LMTK3: variants seen among roughly 807,000 people sequenced by gnomAD.
LMTK3 encodes lemur tail kinase 3, also known as serine/threonine-protein kinase LMTK3.
LMTK3 carries 27 observed loss-of-function variants against 116.7 expected under a neutral mutation model. That is an observed-to-expected ratio of 0.23 (90% CI 0.17 to 0.32). LMTK3 has a LOEUF of 0.32. Ranked by LOEUF, LMTK3 falls within the 10% of genes least tolerant of loss-of-function variation. The pLI, the probability that LMTK3 is intolerant of heterozygous loss-of-function variation, is 1.00. For missense variants in LMTK3, 1,764 were observed against 2,068.5 expected (o/e 0.85, Z 2.86); for synonymous variants, 965 against 971.0 (o/e 0.99, Z 0.11).
chr19:48,488,462 T>C (rs963927662), intron 14 of LMTK3, among the ~76,000 whole-genome samples: 1 of 152,006 alleles, frequency 6.6e-6, no homozygotes, highest in African/African-American at 2.4e-5. Flanking sequence ...ACACCCAACA[T>C]TGACTTCCCT....
chr19:48,499,366 T>G lies in LMTK3; in HGVS notation c.1703A>C (p.Gln568Pro), dbSNP rs1601049765. The change falls in exon 11 of 15, where the codon CAG becomes CCG. Residue 568 changes from glutamine to proline, a missense_variant. By Grantham distance (76) the Gln-to-Pro change is moderately conservative. Transcript: ENST00000600059. ...GACCTCGGAGGGGGCCTGGGGGGCCTGAGGGGCGGGCACTCCTGGGTCCAG... is the reference window on the plus strand; with the variant it reads ...GACCTCGGAGGGGGCCTGGGGGGCCGGAGGGGCGGGCACTCCTGGGTCCAG... ...DPLDPGVPAP[Q>P]APQAPSEVPQ... 2 of 1,403,014 alleles carry G rather than the reference T, an allele frequency of 1.4e-6. No individual in the cohort carries two copies. Among genetic ancestry groups the G allele is most frequent in the Non-Finnish European group, 1.9e-6 (2 of 1,071,846 alleles). 86.9% of individuals were successfully genotyped at this position (1,403,014 alleles called of 1,614,324 possible).
Position 48,491,210 on chromosome 19 carries a change from G to A in LMTK3, c.4264C>T (p.Leu1422Phe). 5.7e-6 allele frequency: 8 copies of A among 1,407,720 alleles called. No homozygotes were observed. The highest frequency in any genetic ancestry group is 6.5e-6 in the Non-Finnish European group (7 of 1,077,922). The allele number at this position is 1,407,720 out of a possible 1,614,324, so 87.2% of individuals were successfully genotyped here. The change falls in exon 14 of 15, where the codon CTC (leucine) becomes TTC (phenylalanine). Residue 1422 changes from leucine to phenylalanine, a missense_variant. Transcript: ENST00000600059. The surrounding 1 kb of genome is among the most constrained non-coding windows in gnomAD (Gnocchi z 5.1). ...CACAGCGGGGGGCCTGGAGGGGGGA[G>A]GAGGGGGAAATCCTCCGCCCACTCG... is the stretch of plus-strand genomic sequence containing the variant. The part of the protein sequence containing the change: ...SFEWAEDFPL[L>F]PPPGPPLCFS...
rs757133880 is a variant in LMTK3, at chr19:48,491,506, G to A, written c.4126C>T (p.Pro1376Ser). The stretch of plus-strand genomic sequence containing the variant: ...GACGGGTCCGTGTCCCCCTCGGGGG[G>A]GGCCTGGACGCTCAGCTCGTTGGTT... ...TPTNELSVQA[P>S]PEGDTDPSTP... Residue 1376 changes from proline (P) to serine (S), a missense_variant, in exon 13 of 15, where the codon CCC (proline) becomes TCC (serine). Physicochemically the swap from Pro to Ser is moderately conservative, Grantham distance 74 (BLOSUM62 -1). This residue lies in a region of LMTK3 where 281 missense variants were observed against 301.4 expected (regional missense o/e 0.93). Transcript: ENST00000600059. This position sits in a 1 kb window ranked among gnomAD's most constrained non-coding sequence, Gnocchi z 5.1. The A allele has an allele frequency of 5.7e-6, 8 of 1,401,952 alleles. No individual in the cohort carries two copies. The Admixed American group carries it at 2.2e-4, about 38-fold the overall frequency. The allele number at this position is 1,401,952 out of a possible 1,614,324, so 86.8% of individuals were successfully genotyped here. A position where few individuals can be genotyped will look rare whatever the true frequency, so the allele number is the denominator to read the frequency against.
intron 14 of LMTK3, among the ~76,000 whole-genome samples, chr19:48,488,497 T>C (rs1353086198): frequency 1.3e-5 from 2 of 151,914 alleles, no homozygotes; most frequent in Non-Finnish European, 2.9e-5. Context: ...CGTCCGTGGC[T>C]CCCTGGCACC....
At chr19:48,488,014 C>G (rs1363242977) in intron 14 of LMTK3, among the ~76,000 whole-genome samples, 1 of 152,174 alleles carries the variant, frequency 6.6e-6, no homozygotes, top group Non-Finnish European at 1.5e-5. Context: ...ACAGGCTCAG[C>G]AGCTCGCAGC....
chr19:48,505,916 G>A (rs1464466462), intron 5 of LMTK3, among the ~76,000 whole-genome samples: 1 of 150,580 alleles, frequency 6.6e-6, no homozygotes, highest in Admixed American at 6.6e-5. Context: ...CAAGGTGGGT[G>A]AATCACCTGA....
chr19:48,488,793 G>A (rs988070192), intron 14 of LMTK3, among the ~76,000 whole-genome samples: 4 of 148,904 alleles, frequency 2.7e-5, no homozygotes, highest in African/African-American at 1.0e-4. Flanking sequence ...AGGCTGGAGT[G>A]CAATGGCTTG....
chr19:48,502,856 C>T (rs1972496773), intron 6 of LMTK3, 53 bp downstream of exon 6: 20 of 1,353,164 alleles, frequency 1.5e-5, no homozygotes, highest in South Asian at 6.1e-5. Context: ...GGCTTGGCCC[C>T]GGCCTTGTCC....
rs1972220406 is a variant in LMTK3, at chr19:48,491,358, G to T, written c.4228+46C>A. 2 of 612,232 alleles carry T rather than the reference G, an allele frequency of 3.3e-6. No homozygotes were observed. Among genetic ancestry groups the T allele is most frequent in the Non-Finnish European group, 4.4e-6 (2 of 459,562 alleles). 37.9% of individuals were successfully genotyped at this position (612,232 alleles called of 1,614,324 possible). A position where few individuals can be genotyped will look rare whatever the true frequency, so the allele number is the denominator to read the frequency against. ...CCACCCCATAGACCCCGCCCCGTCC[G>T]CCCCATGGCTCCCGCCCCCTCCCGC... is the stretch of plus-strand genomic sequence containing the variant. On this transcript the variant is annotated intron_variant, in intron 13 of 14. Transcript: ENST00000600059. This position sits in a 1 kb window ranked among gnomAD's most constrained non-coding sequence, Gnocchi z 5.1.
chr19:48,506,538 G>T (rs1972573997), intron 5 of LMTK3, among the ~76,000 whole-genome samples: 1 of 152,232 alleles, frequency 6.6e-6, no homozygotes, highest in African/African-American at 2.4e-5. Context: ...AGAGCCACTT[G>T]TGTGCTGTGG....
At position 48,510,099 on chromosome 19, in the gene LMTK3, C is replaced by T. The variant is rs2147561704; in HGVS notation, c.285G>A (p.Gln95=). The change falls in exon 3 of 15, where the codon CAG becomes CAA. Residue 95 remains glutamine (Q), a synonymous_variant. Coordinates refer to ENST00000600059, the MANE Select transcript of LMTK3 (RefSeq NM_001388485.1). ...GGAGAATGTAGACATCAGGCAGCGA[C>T]TGTGAGGAGGAGGTCTCCTCCGCAG... ...TPPAEETSSS[Q]SLPDVYILPL... is the part of the protein sequence containing the mutation. The T allele has an allele frequency of 2.5e-6, 4 of 1,613,958 alleles. No individual in the cohort carries two copies. The highest frequency in any genetic ancestry group is 3.4e-6 in the Non-Finnish European group (4 of 1,179,856).
At chr19:48,496,301 CT>C (rs553971997) in intron 11 of LMTK3, among the ~76,000 whole-genome samples, 99 of 122,252 alleles carry the variant, frequency 8.1e-4, no homozygotes, top group East Asian at 1.3e-3. Flanking sequence ...TTTTTCTTTT[CT>C]TTTTTTTTTT....
chr19:48,492,618 G>A (rs1348747904), intron 12 of LMTK3, among the ~76,000 whole-genome samples: 1 of 152,030 alleles, frequency 6.6e-6, no homozygotes, highest in African/African-American at 2.4e-5. Context: ...CTGCAGCCTA[G>A]CCATGGCCCT....
At position 48,497,367 on chromosome 19, in the gene LMTK3, C is replaced by G; in HGVS notation, c.3676+26G>C. On this transcript the variant is annotated intron_variant, in intron 11 of 14. Coordinates refer to ENST00000600059, the MANE Select transcript of LMTK3 (RefSeq NM_001388485.1). The surrounding 1 kb of genome is among the most constrained non-coding windows in gnomAD (Gnocchi z 5.7). ...CCTCGGAAACAGCCGGACCTCAGCC[C>G]TGACTGTGCCCCGCAGCCTCCTCAC... 12 of 1,451,750 alleles carry G rather than the reference C, an allele frequency of 8.3e-6. No homozygotes were observed. The highest frequency in any genetic ancestry group is 1.0e-5 in the Non-Finnish European group (11 of 1,100,274). 89.9% of individuals were successfully genotyped at this position (1,451,750 alleles called of 1,614,324 possible).
chr19:48,493,458 C>A (rs1569100453), intron 12 of LMTK3, among the ~76,000 whole-genome samples: 1 of 149,370 alleles, frequency 6.7e-6, no homozygotes, highest in Non-Finnish European at 1.5e-5. Flanking sequence ...CCCTCCAGGC[C>A]CCGCATCACT....
chr19:48,504,148 G>T (rs776870181), intron 5 of LMTK3, among the ~76,000 whole-genome samples: 1 of 152,048 alleles, frequency 6.6e-6, no homozygotes, highest in Non-Finnish European at 1.5e-5. Context: ...GATTACAGGC[G>T]TGAACCACCG....
rs527748491 is a variant in LMTK3 at position 48,498,537 on chromosome 19, G to C, written c.2532C>G (p.Leu844=). 3.2e-6 allele frequency: 5 copies of C among 1,568,128 alleles called. No individual in the cohort carries two copies. The African/African-American group carries it at 6.8e-5, about 21-fold the overall frequency. The change falls in exon 11 of 15, where the codon CTC becomes CTG. Residue 844 remains leucine (L), a synonymous_variant. Transcript: ENST00000600059. ...RPPPDPGPLP[L]PGPREKPTFV... ...AGGTCGGCTTCTCCCGGGGCCCCGG[G>C]AGTGGGAGCGGACCCGGGTCTGGAG...
intron 5 of LMTK3, among the ~76,000 whole-genome samples, chr19:48,504,503 C>T (rs118018524): frequency 0.03 from 4,539 of 152,290 alleles, 84 homozygotes; most frequent in South Asian, 0.082. Context: ...GAGATCCTAG[C>T]AATTACTGCT....
chr19:48,511,563 C>T lies in LMTK3; in HGVS notation c.14G>A (p.Gly5Asp). 7.1e-7 allele frequency: 1 copy of T among 1,399,560 alleles called. No homozygotes were observed. The highest frequency in any genetic ancestry group is 9.4e-7 in the Non-Finnish European group (1 of 1,059,344). The allele number at this position is 1,399,560 out of a possible 1,614,324, so 86.7% of individuals were successfully genotyped here. ...GACGGCCGCAAGGAGGATGAGGGCG[C>T]CGGGGGCAGGCATCTTGTCGAGGAT... MPAP[G>D]ALILLAAVSA... Residue 5 changes from glycine to aspartate, a missense_variant, in exon 1 of 15, where the codon GGC becomes GAC. Physicochemically the swap from Gly to Asp is moderately conservative, Grantham distance 94 (BLOSUM62 -1). Transcript: ENST00000600059.
Sources: gnomAD v4.1 joint callset for allele counts (sites outside exome capture counted in the v4.1 genomes callset) on GRCh38, gnomAD v4.1.1 for gene constraint, gnomAD v4.1.1 regional missense constraint, Gnocchi (gnomAD v3.1) non-coding constraint, MANE v1.5 for transcripts, NCBI Gene and HGNC (gene_info 2026-07-23, HGNC 2026-07-21) for gene names.